TSPAN18: variants seen among roughly 807,000 people sequenced by gnomAD.
TSPAN18 encodes tetraspanin 18.
Under a neutral mutation model 27.3 loss-of-function variants are expected in TSPAN18, and 14 were observed. The observed-to-expected ratio is 0.51, with a 90% confidence interval of 0.34 to 0.80. The LOEUF is 0.80. TSPAN18 is among the 30% of genes least tolerant of loss of function. The pLI is 0.01. For missense variants in TSPAN18, 268 were observed against 323.9 expected, an observed-to-expected ratio of 0.83 and a Z score of 1.32; for synonymous variants, 143 against 136.5, an observed-to-expected ratio of 1.05 and a Z score of -0.33.
intron 1 of TSPAN18, chr11:44,736,782 C>T (rs1854806570): frequency 6.6e-6 from 1 of 152,226 alleles, no homozygotes; most frequent in African/African-American, 2.4e-5. Context: ...AGTTCAGCTT[C>T]ACACTATGAC....
At chr11:44,839,955 G>C (rs922128601) in intron 2 of TSPAN18, among the ~76,000 whole-genome samples, 4 of 152,202 alleles carry the variant, frequency 2.6e-5, no homozygotes, top group Admixed American at 6.5e-5. Flanking sequence ...GTGGGTGGCT[G>C]TCCTCAGTCC....
intron 2 of TSPAN18, among the ~76,000 whole-genome samples, chr11:44,847,850 TC>T (rs58413492): frequency 6.6e-6 from 1 of 151,954 alleles, no homozygotes; most frequent in South Asian, 2.1e-4. Flanking sequence ...TTTTTTTTTT[TC>T]CCAATGGAGT....
intron 2 of TSPAN18, among the ~76,000 whole-genome samples, chr11:44,827,225 C>T (rs952289034): frequency 6.6e-6 from 1 of 152,254 alleles, no homozygotes; most frequent in Non-Finnish European, 1.5e-5. Context: ...CCCAGGAGCT[C>T]TAGGCCCCGG....
At chr11:44,811,709 G>A (rs965912448) in intron 2 of TSPAN18, among the ~76,000 whole-genome samples, 4 of 152,246 alleles carry the variant, frequency 2.6e-5, no homozygotes, top group Non-Finnish European at 4.4e-5. Context: ...TGATCCACCC[G>A]CCTTGGCCTC....
intron 2 of TSPAN18, among the ~76,000 whole-genome samples, chr11:44,851,668 C>T (rs550373286): frequency 8.8e-5 from 13 of 147,840 alleles, no homozygotes; most frequent in African/African-American, 3.3e-4. Flanking sequence ...TCTTCTCATA[C>T]ATCTGCCAAA....
chr11:44,814,677 TCCATCCATCCAC>T (rs1404170934), intron 2 of TSPAN18, among the ~76,000 whole-genome samples: 9 of 151,434 alleles, frequency 5.9e-5, no homozygotes, highest in East Asian at 1.9e-4. Flanking sequence ...CATCCATCCA[TCCATCCATCCAC>T]CCACCCACCC....
intron 1 of TSPAN18, among the ~76,000 whole-genome samples, chr11:44,745,823 C>T (rs1433946791): frequency 5.3e-5 from 8 of 152,118 alleles, no homozygotes; most frequent in South Asian, 2.1e-4. Context: ...GTCAGGAGAT[C>T]GAGACCCTCC....
chr11:44,753,159 T>TA (rs541948371), intron 1 of TSPAN18, among the ~76,000 whole-genome samples: 185 of 152,224 alleles, frequency 1.2e-3, no homozygotes, highest in African/African-American at 4.2e-3. Flanking sequence ...GACAGAGTCT[T>TA]ACTCTATCAC....
intron 4 of TSPAN18, among the ~76,000 whole-genome samples, chr11:44,908,116 G>C (rs905351533): frequency 6.7e-6 from 1 of 149,756 alleles, no homozygotes; most frequent in Non-Finnish European, 1.5e-5. Context: ...AAACCCTGTC[G>C]CTGGCCATGC....
intron 2 of TSPAN18, among the ~76,000 whole-genome samples, chr11:44,793,738 A>C (rs1458553337): frequency 6.6e-6 from 1 of 152,160 alleles, no homozygotes; most frequent in African/African-American, 2.4e-5. Flanking sequence ...GACATTTCCA[A>C]AGCTGGGGAA....
chr11:44,871,445 T>C (rs879275894), intron 3 of TSPAN18, among the ~76,000 whole-genome samples: 3 of 152,172 alleles, frequency 2.0e-5, no homozygotes, highest in Non-Finnish European at 4.4e-5. Flanking sequence ...AGGGTTTCAA[T>C]ATATGAATTT....
chr11:44,744,217 A>G (rs1422352187), intron 1 of TSPAN18, among the ~76,000 whole-genome samples: 3 of 152,202 alleles, frequency 2.0e-5, no homozygotes, highest in African/African-American at 7.2e-5. Flanking sequence ...GAAAAGGCCA[A>G]TTTTCAGGGA....
chr11:44,927,551 G>A (rs1039666591), intron 9 of TSPAN18, among the ~76,000 whole-genome samples: 4 of 152,318 alleles, frequency 2.6e-5, no homozygotes, highest in Admixed American at 6.5e-5. Flanking sequence ...GCAGCGCCAC[G>A]GAGTGCAGTT....
chr11:44,861,806 CACA>C (rs1334715149), intron 3 of TSPAN18, among the ~76,000 whole-genome samples: 5 of 149,000 alleles, frequency 3.4e-5, no homozygotes, highest in Admixed American at 2.7e-4. Context: ...CACACACACA[CACA>C]CACACACACA....
At chr11:44,832,462 G>C (rs1731510240) in intron 2 of TSPAN18, among the ~76,000 whole-genome samples, 1 of 152,064 alleles carries the variant, frequency 6.6e-6, no homozygotes, top group African/African-American at 2.4e-5. Context: ...CCCAGTTTCT[G>C]TTTCCAATTC....
chr11:44,845,100 A>G (rs1248884406), intron 2 of TSPAN18, among the ~76,000 whole-genome samples: 1 of 152,232 alleles, frequency 6.6e-6, no homozygotes, highest in African/African-American at 2.4e-5. Context: ...TGAGGTAGGC[A>G]GGCAACAGTT....
intron 1 of TSPAN18, among the ~76,000 whole-genome samples, chr11:44,753,529 G>T (rs1162433495): frequency 6.6e-6 from 1 of 152,154 alleles, no homozygotes; most frequent in Non-Finnish European, 1.5e-5. Context: ...GGGTCCCAGG[G>T]TAGCTGGACT....
intron 2 of TSPAN18, among the ~76,000 whole-genome samples, chr11:44,796,296 C>G (rs1423288715): frequency 1.3e-5 from 2 of 152,132 alleles, no homozygotes; most frequent in Non-Finnish European, 2.9e-5. Context: ...GTGGAGAAGC[C>G]ATGGCAGTGG....
intron 2 of TSPAN18, among the ~76,000 whole-genome samples, chr11:44,826,354 G>A (rs1463987534): frequency 6.6e-6 from 1 of 152,212 alleles, no homozygotes; most frequent in Non-Finnish European, 1.5e-5. Flanking sequence ...AACCCAGGAG[G>A]CAGAGGTTAC....
Sources: allele counts gnomAD v4.1 joint callset (sites outside exome capture counted in the v4.1 genomes callset), GRCh38; gene constraint gnomAD v4.1.1; transcripts MANE v1.5; gene names NCBI Gene and HGNC (gene_info 2026-07-23, HGNC 2026-07-21).